ANKRD44: variants seen among roughly 807,000 people sequenced by gnomAD.
The protein encoded by ANKRD44 is ankyrin repeat domain 44.
In ANKRD44, 35 loss-of-function variants were observed where a neutral mutation model predicts 116.0. That is an observed-to-expected ratio of 0.30 (90% CI 0.23 to 0.40). The LOEUF (loss-of-function observed/expected upper bound fraction) is 0.40, where lower values mean the gene tolerates loss of function less well. Among genes scored for constraint, ANKRD44 ranks in the 10% least tolerant of loss-of-function variants. ANKRD44 has a pLI of 1.00. For synonymous variants in ANKRD44, 435 were observed against 461.8 expected, an observed-to-expected ratio of 0.94 and a Z score of 0.74; for missense variants, 1,014 against 1,242.6, an observed-to-expected ratio of 0.82 and a Z score of 2.77.
chr2:197,129,921 C>T (rs1392258011), intron 4 of ANKRD44, among the ~76,000 whole-genome samples: 1 of 152,182 alleles, frequency 6.6e-6, no homozygotes, highest in Non-Finnish European at 1.5e-5. Flanking sequence ...TTACAAGTTG[C>T]TTTAGATAGG....
chr2:197,301,347 G>A (rs1363059824), intron 1 of ANKRD44: 2 of 152,060 alleles, frequency 1.3e-5, no homozygotes, highest in Admixed American at 1.3e-4. Context: ...TGAATACATG[G>A]GAGATCCACT....
At chr2:196,972,978 T>C (rs1372189447) in intron 21 of ANKRD44, among the ~76,000 whole-genome samples, 1 of 152,218 alleles carries the variant, frequency 6.6e-6, no homozygotes, top group Non-Finnish European at 1.5e-5. Context: ...GGCAGTGTTT[T>C]TCTTCCTTAG....
chr2:197,239,688 T>C (rs1177485372), intron 1 of ANKRD44, among the ~76,000 whole-genome samples: 6 of 152,274 alleles, frequency 3.9e-5, no homozygotes, highest in Non-Finnish European at 8.8e-5. Flanking sequence ...TTTTGTTTTC[T>C]ATCTTGATAA....
rs1269365689 is a variant in ANKRD44 at position 196,989,427 on chromosome 2, C to T, written c.*164G>A. The T allele has an allele frequency of 3.2e-6, 4 of 1,252,748 alleles. No individual in the cohort carries two copies. The East Asian group carries it at 9.6e-5, about 30-fold the overall frequency. 77.6% of individuals were successfully genotyped at this position (1,252,748 alleles called of 1,614,324 possible). On this transcript the variant is annotated 3_prime_UTR_variant, in exon 28 of 28. Transcript: ENST00000282272. ...CATAAAAAAGCTACTTCAGTTCTCACTTGCATTTTGAAGGAAAAAAATGTG... is the reference window on the plus strand; with the variant it reads ...CATAAAAAAGCTACTTCAGTTCTCATTTGCATTTTGAAGGAAAAAAATGTG...
intron 1 of ANKRD44, among the ~76,000 whole-genome samples, chr2:197,205,425 T>G (rs1193517804): frequency 2.0e-5 from 3 of 152,188 alleles, no homozygotes; most frequent in Non-Finnish European, 4.4e-5. Flanking sequence ...GTCATCTCAC[T>G]GTATTTTTCA....
chr2:197,275,835 T>A (rs2083065318), intron 1 of ANKRD44, among the ~76,000 whole-genome samples: 1 of 152,140 alleles, frequency 6.6e-6, no homozygotes. Context: ...ATGATTTTCA[T>A]AAAAGAGGGG....
At chr2:197,043,694 GC>G (rs1426818164) in intron 16 of ANKRD44, among the ~76,000 whole-genome samples, 1 of 152,092 alleles carries the variant, frequency 6.6e-6, no homozygotes, top group East Asian at 1.9e-4. Context: ...GATGCTATTA[GC>G]TTGACACGGG....
At chr2:197,088,115 A>G (rs2077967036) in intron 12 of ANKRD44, among the ~76,000 whole-genome samples, 1 of 152,220 alleles carries the variant, frequency 6.6e-6, no homozygotes, top group Admixed American at 6.5e-5. Flanking sequence ...ACATATATCA[A>G]TGACATTGAT....
intron 1 of ANKRD44, among the ~76,000 whole-genome samples, chr2:197,217,014 G>A (rs2081462640): frequency 6.6e-6 from 1 of 152,150 alleles, no homozygotes; most frequent in Admixed American, 6.5e-5. Context: ...AAAGCTCCCA[G>A]ACAAAATCAC....
intron 9 of ANKRD44, among the ~76,000 whole-genome samples, chr2:197,107,360 C>T (rs2078456888): frequency 6.6e-6 from 1 of 152,126 alleles, no homozygotes; most frequent in African/African-American, 2.4e-5. Flanking sequence ...GAGGGGGGTG[C>T]CTAGGGCCAA....
chr2:197,222,109 A>G (rs1214854481), intron 1 of ANKRD44, among the ~76,000 whole-genome samples: 1 of 152,224 alleles, frequency 6.6e-6, no homozygotes, highest in Non-Finnish European at 1.5e-5. Flanking sequence ...GAAATAAATA[A>G]AGGTTCAACC....
At chr2:197,118,082 G>A (rs1300676569) in intron 8 of ANKRD44, among the ~76,000 whole-genome samples, 11 of 149,452 alleles carry the variant, frequency 7.4e-5, no homozygotes, top group East Asian at 6.1e-4. Flanking sequence ...GCGTGGTGGC[G>A]TACACCTGTA....
intron 16 of ANKRD44, among the ~76,000 whole-genome samples, chr2:197,038,086 T>C (rs886718020): frequency 6.6e-6 from 1 of 152,168 alleles, no homozygotes; most frequent in African/African-American, 2.4e-5. Flanking sequence ...ATACCTGGCA[T>C]TATACATTTT....
intron 2 of ANKRD44, among the ~76,000 whole-genome samples, chr2:197,163,279 G>T (rs2080014155): frequency 6.6e-6 from 1 of 152,142 alleles, no homozygotes; most frequent in Non-Finnish European, 1.5e-5. Flanking sequence ...CCACAGCAAC[G>T]ATGCTCACCT....
chr2:197,202,181 T>C (rs1194174780), intron 1 of ANKRD44, among the ~76,000 whole-genome samples: 1 of 152,204 alleles, frequency 6.6e-6, no homozygotes, highest in Non-Finnish European at 1.5e-5. Flanking sequence ...TTTTGCTTCT[T>C]GAATTGTGAC....
At chr2:197,022,554 G>T (rs780798431) in intron 17 of ANKRD44, among the ~76,000 whole-genome samples, 4 of 152,130 alleles carry the variant, frequency 2.6e-5, no homozygotes, top group African/African-American at 4.8e-5. Flanking sequence ...TCACCACTCT[G>T]CTCCAGCCAC....
In ANKRD44 at chr2:196,989,355, TATAAA is replaced by T. The variant is rs1336927262; in HGVS notation, c.*231_*235del. 1 of 1,067,024 alleles carries T rather than the reference TATAAA, an allele frequency of 9.4e-7. No homozygotes were observed. The highest frequency in any genetic ancestry group is 6.0e-5 in the East Asian group (1 of 16,642). The allele number at this position is 1,067,024 out of a possible 1,614,324, so 66.1% of individuals were successfully genotyped here. A position where few individuals can be genotyped will look rare whatever the true frequency, so the allele number is the denominator to read the frequency against. ...AACTAGAAATCTGTGTCCTAAGAAA[TATAAA>T]ATACAACAAAGACTGGTACACAGAA... is the stretch of plus-strand genomic sequence containing the variant. On this transcript the variant is annotated 3_prime_UTR_variant, in exon 28 of 28. Coordinates refer to ENST00000282272, the MANE Select transcript of ANKRD44 (RefSeq NM_001195144.2).
At chr2:197,154,205 A>T (rs1228033285) in intron 2 of ANKRD44, among the ~76,000 whole-genome samples, 1 of 106,536 alleles carries the variant, frequency 9.4e-6, no homozygotes, top group Non-Finnish European at 1.7e-5. Flanking sequence ...TTTGAGACGG[A>T]GTCTCGCTCT....
chr2:197,100,442 A>T (rs978739380), intron 9 of ANKRD44, among the ~76,000 whole-genome samples: 2 of 151,498 alleles, frequency 1.3e-5, no homozygotes, highest in East Asian at 3.9e-4. Context: ...CTCAAAAAAA[A>T]AGAAAAAGAA....
Sources: allele counts gnomAD v4.1 joint callset (sites outside exome capture counted in the v4.1 genomes callset), GRCh38; gene constraint gnomAD v4.1.1; transcripts MANE v1.5; gene names NCBI Gene and HGNC (gene_info 2026-07-23, HGNC 2026-07-21).